Variants in SDK1 observed in about 807,000 individuals in gnomAD.
The protein encoded by SDK1 is protein sidekick-1.
In SDK1, 157 loss-of-function variants were observed where a neutral mutation model predicts 245.5. The observed-to-expected ratio is 0.64, with a 90% CI of 0.56 to 0.73. The LOEUF is 0.73. Ranked by LOEUF, SDK1 falls within the 30% of genes least tolerant of loss-of-function variation. SDK1 has a pLI of 0.00. For missense variants in SDK1, 3,583 were observed against 3,002.3 expected (o/e 1.19, Z -4.52); for synonymous variants, 1,647 against 1,278.5 (o/e 1.29, Z -6.15).
intron 1 of SDK1, among the ~76,000 whole-genome samples, chr7:3,367,174 T>C (rs1308081842): frequency 6.6e-6 from 1 of 152,072 alleles, no homozygotes; most frequent in African/African-American, 2.4e-5. Flanking sequence ...TTTATTTTTA[T>C]TTTTATTTTT....
In SDK1 at chr7:3,597,189, G is replaced by A. The variant is rs571830598; in HGVS notation, c.299-21891G>A. ...CAGGAGGCCGAGGCAGGAGAATGGC[G>A]TGAACCCGGGAGGCGGAGCTTGCAG... On this transcript the variant is annotated intron_variant, in intron 1 of 44. Transcript: ENST00000404826. Among the ~76,000 whole-genome samples, 9 of 151,068 alleles carry A rather than the reference G, an allele frequency of 6.0e-5. No homozygotes were observed. The South Asian group carries it at 8.4e-4, about 14-fold the overall frequency.
chr7:3,850,493 T>C (rs1251036099), intron 5 of SDK1, among the ~76,000 whole-genome samples: 2 of 152,176 alleles, frequency 1.3e-5, no homozygotes, highest in Non-Finnish European at 1.5e-5. Flanking sequence ...TTGACCTAGC[T>C]ATCCCATTAC....
intron 1 of SDK1, among the ~76,000 whole-genome samples, chr7:3,543,545 G>A (rs934283770): frequency 6.6e-6 from 1 of 152,212 alleles, no homozygotes; most frequent in African/African-American, 2.4e-5. Context: ...TAGGGAATAA[G>A]GATGACACAT....
At chr7:3,416,922 C>T (rs1374334190) in intron 1 of SDK1, among the ~76,000 whole-genome samples, 2 of 152,130 alleles carry the variant, frequency 1.3e-5, no homozygotes, top group East Asian at 1.9e-4. Flanking sequence ...CCTGTAATCC[C>T]AGCACTTTGG....
intron 1 of SDK1, among the ~76,000 whole-genome samples, chr7:3,361,709 C>T (rs537335469): frequency 1.3e-5 from 2 of 152,306 alleles, no homozygotes; most frequent in East Asian, 1.9e-4. Flanking sequence ...CACCTTTGGT[C>T]ACACGAAATA....
intron 4 of SDK1, among the ~76,000 whole-genome samples, chr7:3,701,909 T>A (rs1346111512): frequency 2.8e-5 from 4 of 141,260 alleles, no homozygotes; most frequent in Non-Finnish European, 6.0e-5. Context: ...GCTAGAGTGG[T>A]TGGACGTGCA....
At chr7:4,098,438 C>A (rs534961642) in intron 22 of SDK1, among the ~76,000 whole-genome samples, 1 of 151,928 alleles carries the variant, frequency 6.6e-6, no homozygotes, top group Non-Finnish European at 1.5e-5. Context: ...TTAGATTTGC[C>A]TGTGTGTTTC....
intron 1 of SDK1, among the ~76,000 whole-genome samples, chr7:3,441,882 C>T (rs1398717098): frequency 6.6e-6 from 1 of 152,196 alleles, no homozygotes; most frequent in Non-Finnish European, 1.5e-5. Context: ...CTTGAAATTA[C>T]ATTAAGCAGA....
rs184097751 is a variant in SDK1 at position 3,738,284 on chromosome 7, A to G, written c.714-83166A>G. On this transcript the variant is annotated intron_variant, in intron 4 of 44. Transcript: ENST00000404826. Reference sequence around the variant, plus strand: ...TGCATGTGGATGTGCAGTTTTCCCAATGCCATTTACTAGAGACTGTCCTTT... The same window carrying G: ...TGCATGTGGATGTGCAGTTTTCCCAGTGCCATTTACTAGAGACTGTCCTTT... Among the ~76,000 whole-genome samples the G allele has an allele frequency of 5.9e-5, 9 of 152,284 alleles. No individual in the cohort carries two copies. The East Asian group carries it at 1.7e-3, about 29-fold the overall frequency.
chr7:3,529,624 C>A (rs779364747), intron 1 of SDK1, among the ~76,000 whole-genome samples: 1 of 152,036 alleles, frequency 6.6e-6, no homozygotes, highest in Non-Finnish European at 1.5e-5. Flanking sequence ...AAAAAAATCA[C>A]CATTTGGCAA....
At chr7:3,784,724 G>C (rs1295809624) in intron 4 of SDK1, among the ~76,000 whole-genome samples, 5 of 152,198 alleles carry the variant, frequency 3.3e-5, no homozygotes, top group Admixed American at 6.5e-5. Flanking sequence ...GTGTTGGCCA[G>C]GATGTGAAGG....
chr7:3,497,182 T>C (rs929310054), intron 1 of SDK1, among the ~76,000 whole-genome samples: 32 of 152,182 alleles, frequency 2.1e-4, no homozygotes, highest in Non-Finnish European at 4.1e-4. Context: ...AGAAGAATGC[T>C]CCAACAAGGC....
intron 5 of SDK1, among the ~76,000 whole-genome samples, chr7:3,887,440 G>A (rs1322502097): frequency 1.3e-5 from 2 of 152,122 alleles, no homozygotes; most frequent in Non-Finnish European, 2.9e-5. Context: ...TTTCCCAGTA[G>A]AGAAGTAATA....
At chr7:4,103,812 G>C (rs939080996) in intron 22 of SDK1, among the ~76,000 whole-genome samples, 4 of 152,212 alleles carry the variant, frequency 2.6e-5, no homozygotes, top group African/African-American at 9.6e-5. Flanking sequence ...AGTCAGTGCC[G>C]TGGGGGTGGT....
rs777199429 is a variant in SDK1, at chr7:4,012,549, C to CTTTTTTTTTTTTT, written c.2420+345_2420+357dup. Among the ~76,000 whole-genome samples the CTTTTTTTTTTTTT allele has an allele frequency of 9.6e-4, 25 of 25,988 alleles. 8 individuals are homozygous for CTTTTTTTTTTTTT. The highest frequency in any genetic ancestry group is 2.4e-3 in the East Asian group (2 of 832). The allele number at this position is 25,988 out of a possible 152,430, so 17.0% of individuals were successfully genotyped here. A position where few individuals can be genotyped will look rare whatever the true frequency, so the allele number is the denominator to read the frequency against. On this transcript the variant is annotated intron_variant, in intron 16 of 44. Transcript: ENST00000404826. Reference sequence around the variant, plus strand: ...GCAAGGTATATTGTTCAATGTGAAGCTTTTTTTTTTTTTTTTTTTTTTTTT... The same window carrying CTTTTTTTTTTTTT: ...GCAAGGTATATTGTTCAATGTGAAGCTTTTTTTTTTTTTTTTTTTTTTTTTTTTTTTTTTTTTT...
chr7:3,574,997 C>T (rs1023932727), intron 1 of SDK1, among the ~76,000 whole-genome samples: 8 of 152,052 alleles, frequency 5.3e-5, no homozygotes, highest in Admixed American at 4.6e-4. Flanking sequence ...GCCCCACTTC[C>T]AGTTGCTGGA....
At chr7:4,119,315 C>G (rs1783915029) in intron 25 of SDK1, among the ~76,000 whole-genome samples, 2 of 147,896 alleles carry the variant, frequency 1.4e-5, no homozygotes, top group African/African-American at 2.5e-5. Context: ...ATTAGCCAGG[C>G]ATGGTAGCAC....
intron 34 of SDK1, 129 bp from the exon 35 acceptor site, chr7:4,178,356 G>C (rs187756398): frequency 1.7e-5 from 12 of 727,022 alleles, no homozygotes; most frequent in Admixed American, 1.6e-4. Flanking sequence ...GTATTTCACA[G>C]ATTTCTAACA....
intron 4 of SDK1, among the ~76,000 whole-genome samples, chr7:3,726,556 A>G (rs1779013757): frequency 6.6e-6 from 1 of 152,188 alleles, no homozygotes; most frequent in Admixed American, 6.5e-5. Flanking sequence ...GGTTTTATCC[A>G]TTGCAAGGCA....
Sources: allele counts gnomAD v4.1 joint callset (sites outside exome capture counted in the v4.1 genomes callset), GRCh38; gene constraint gnomAD v4.1.1; transcripts MANE v1.5; gene names NCBI Gene and HGNC (gene_info 2026-07-23, HGNC 2026-07-21).